Variants in ARHGEF28 observed in about 807,000 individuals in gnomAD.
The protein encoded by ARHGEF28 is 190 kDa guanine nucleotide exchange factor.
Under a neutral mutation model 206.6 loss-of-function variants are expected in ARHGEF28, and 152 were observed. The observed-to-expected ratio is 0.74, with a 90% confidence interval of 0.64 to 0.84. The LOEUF (loss-of-function observed/expected upper bound fraction) is 0.84. Ranked by LOEUF, ARHGEF28 falls within the 40% of genes least tolerant of loss-of-function variation. The pLI is 0.00. For synonymous variants in ARHGEF28, 763 were observed against 776.4 expected (o/e 0.98, Z 0.29); for missense variants, 2,028 against 2,073.2 (o/e 0.98, Z 0.42).
At chr5:73,836,871 T>C (rs554797842) in intron 10 of ARHGEF28, among the ~76,000 whole-genome samples, 26 of 152,306 alleles carry the variant, frequency 1.7e-4, no homozygotes, top group African/African-American at 6.3e-4. Context: ...TTCATTTTTT[T>C]TGCATGTAGC....
At chr5:73,835,024 T>C (rs1757536300) in intron 10 of ARHGEF28, 1 of 152,202 alleles carries the variant, frequency 6.6e-6, no homozygotes, top group Admixed American at 6.5e-5. Flanking sequence ...GGATGTGGGC[T>C]GGTCACCGGA....
intron 9 of ARHGEF28, among the ~76,000 whole-genome samples, chr5:73,824,835 A>C (rs1170025318): frequency 1.3e-5 from 2 of 152,112 alleles, no homozygotes. Flanking sequence ...CAGGTTGCAC[A>C]GTACCTGGTG....
At chr5:73,882,365 A>G (rs796162157) in intron 22 of ARHGEF28, 107 bp from the exon 23 acceptor site, 13 of 812,998 alleles carry the variant, frequency 1.6e-5, no homozygotes, top group Admixed American at 3.9e-5. Flanking sequence ...CATGATATTT[A>G]TTTTTTATTT....
chr5:73,934,404 G>A (rs1764305030), intron 35 of ARHGEF28, among the ~76,000 whole-genome samples: 1 of 152,200 alleles, frequency 6.6e-6, no homozygotes, highest in Non-Finnish European at 1.5e-5. Context: ...GGGTCCAGAT[G>A]TTGTCAGCTT....
At chr5:73,648,788 C>T (rs1744607251) in intron 1 of ARHGEF28, among the ~76,000 whole-genome samples, 1 of 152,120 alleles carries the variant, frequency 6.6e-6, no homozygotes, top group South Asian at 2.1e-4. Context: ...GCACCTCTTC[C>T]TCCTCCTCTT....
At position 73,633,177 on chromosome 5, in the gene ARHGEF28, G is replaced by A. The variant is rs1743474073; in HGVS notation, c.-12+6855G>A. Among the ~76,000 whole-genome samples the A allele has an allele frequency of 2.6e-5, 4 of 152,268 alleles. No homozygotes were observed. In the South Asian group the frequency reaches 8.3e-4, roughly 32 times the overall value. On this transcript the variant is annotated intron_variant, in intron 1 of 35. Transcript: ENST00000513042. ...GTGGAGCTCAGGCAGTAAAGTGAACGATGGGGAGCAGCTGTAAATACAGAT... is the reference window on the plus strand; with the variant it reads ...GTGGAGCTCAGGCAGTAAAGTGAACAATGGGGAGCAGCTGTAAATACAGAT...
intron 2 of ARHGEF28, among the ~76,000 whole-genome samples, chr5:73,694,086 T>A (rs879301986): frequency 6.6e-6 from 1 of 152,204 alleles, no homozygotes; most frequent in Non-Finnish European, 1.5e-5. Flanking sequence ...GCAAAACCTT[T>A]GACTTACAAA....
intron 2 of ARHGEF28, among the ~76,000 whole-genome samples, chr5:73,713,147 T>C (rs1446211498): frequency 1.3e-5 from 2 of 152,118 alleles, no homozygotes; most frequent in African/African-American, 4.8e-5. Flanking sequence ...GTGAAAAAAT[T>C]TTAAGTTCCC....
intron 1 of ARHGEF28, among the ~76,000 whole-genome samples, chr5:73,668,903 T>C (rs972263018): frequency 1.3e-5 from 2 of 152,222 alleles, no homozygotes; most frequent in African/African-American, 2.4e-5. Context: ...AGGTGAGTTA[T>C]TGCCCCACTT....
chr5:73,801,238 A>T (rs1755109494), intron 9 of ARHGEF28, among the ~76,000 whole-genome samples: 1 of 151,976 alleles, frequency 6.6e-6, no homozygotes, highest in African/African-American at 2.4e-5. Flanking sequence ...CGAGGTCGGG[A>T]GATCGAGACC....
intron 1 of ARHGEF28, among the ~76,000 whole-genome samples, chr5:73,656,987 G>C (rs570313864): frequency 4.3e-4 from 65 of 151,966 alleles, no homozygotes; most frequent in African/African-American, 1.4e-3. Context: ...TGGCTAACAT[G>C]GTGAAATCCT....
intron 35 of ARHGEF28, among the ~76,000 whole-genome samples, chr5:73,937,770 T>C (rs144185711): frequency 6.6e-6 from 1 of 152,316 alleles, no homozygotes; most frequent in Non-Finnish European, 1.5e-5. Flanking sequence ...CAAATGTTTT[T>C]TCAGTTTAGG....
At chr5:73,924,356 G>A (rs112484080) in intron 35 of ARHGEF28, among the ~76,000 whole-genome samples, 13 of 152,246 alleles carry the variant, frequency 8.5e-5, no homozygotes, top group African/African-American at 3.1e-4. Context: ...ATTTTAAGCA[G>A]GTGTTTAAAC....
In ARHGEF28 at chr5:73,849,083, T is replaced by G; in HGVS notation, c.1743T>G (p.Ser581Arg). The G allele has an allele frequency of 6.4e-7, 1 of 1,553,992 alleles. No individual in the cohort carries two copies. Among genetic ancestry groups the G allele is most frequent in the Non-Finnish European group, 8.7e-7 (1 of 1,143,446 alleles). Residue 581 changes from serine (S) to arginine (R), a missense_variant, in exon 13 of 36, where the codon AGT (serine) becomes AGG (arginine). Ser to Arg is a moderately radical substitution (Grantham distance 110). Coordinates refer to ENST00000513042, the MANE Select transcript of ARHGEF28 (RefSeq NM_001177693.2). The part of the protein sequence containing the change: ...LVRELTVCSS[S>R]EEQRAYSLSE... The stretch of plus-strand genomic sequence containing the variant: ...GTGAATTAACAGTATGCAGTTCAAG[T>G]GAAGGTAAGCATCATTTAACATTTG...
chr5:73,830,983 G>A (rs1186362521), intron 9 of ARHGEF28, among the ~76,000 whole-genome samples: 1 of 152,050 alleles, frequency 6.6e-6, no homozygotes, highest in African/African-American at 2.4e-5. Context: ...TTTACTATAG[G>A]TATAACATTG....
At chr5:73,940,146 C>T (rs1485460575) in intron 35 of ARHGEF28, among the ~76,000 whole-genome samples, 1 of 152,122 alleles carries the variant, frequency 6.6e-6, no homozygotes, top group Non-Finnish European at 1.5e-5. Flanking sequence ...TCAAATCAAG[C>T]CTCCCTTTTG....
At chr5:73,919,705 T>C (rs1244621897) in intron 35 of ARHGEF28, among the ~76,000 whole-genome samples, 2 of 152,196 alleles carry the variant, frequency 1.3e-5, no homozygotes, top group Admixed American at 6.5e-5. Context: ...GTGTAAACTA[T>C]TTGTCATTTT....
In ARHGEF28 at chr5:73,840,529, C is replaced by T; in HGVS notation, c.1196C>T (p.Thr399Ile). 1 of 1,613,950 alleles carries T rather than the reference C, an allele frequency of 6.2e-7. No individual in the cohort carries two copies. Among genetic ancestry groups the T allele is most frequent in the Non-Finnish European group, 8.5e-7 (1 of 1,179,840 alleles). ...ATTAATATAGAGGGAATCACTGCCA[C>T]TACCAGCCCTGAATCCAGAGGTTGC... ...SYINIEGITA[T>I]TSPESRGCTL... is the part of the protein sequence containing the mutation. Residue 399 changes from threonine to isoleucine, a missense_variant, in exon 11 of 36, where the codon ACT becomes ATT. Coordinates refer to ENST00000513042, the MANE Select transcript of ARHGEF28 (RefSeq NM_001177693.2).
rs749289007 is a variant in ARHGEF28, at chr5:73,909,887, G to T, written c.4637G>T (p.Gly1546Val). The T allele has an allele frequency of 6.6e-7, 1 of 1,511,716 alleles. No individual in the cohort carries two copies. The highest frequency in any genetic ancestry group is 8.7e-7 in the Non-Finnish European group (1 of 1,143,050). 93.6% of individuals were successfully genotyped at this position (1,511,716 alleles called of 1,614,324 possible). A position where few individuals can be genotyped will look rare whatever the true frequency, so the allele number is the denominator to read the frequency against. ...QRSLPAVLLPGGPEVMELNRS... is the reference protein window; with the variant it reads ...QRSLPAVLLPVGPEVMELNRS... ...AGCCTGCCCGCGGTGCTCCTTCCGG[G>T]TGGCCCCGAGGTATGGACCTTCTGC... is the stretch of plus-strand genomic sequence containing the variant. The change falls in exon 34 of 36, where the codon GGT becomes GTT. Residue 1546 changes from glycine to valine, a missense_variant. Gly to Val is a moderately radical substitution (Grantham distance 109). Around this residue, in one of 3 missense-constraint regions of ARHGEF28, gnomAD observed 803 missense variants for 768.0 expected, o/e 1.05. Transcript: ENST00000513042.
Sources: allele counts gnomAD v4.1 joint callset (sites outside exome capture counted in the v4.1 genomes callset), GRCh38; gene constraint gnomAD v4.1.1; regional missense constraint gnomAD v4.1.1; transcripts MANE v1.5; gene names NCBI Gene and HGNC (gene_info 2026-07-23, HGNC 2026-07-21).